Variants in STK35 observed in about 807,000 individuals in gnomAD.
STK35 encodes the protein serine/threonine kinase 35.
Under a neutral mutation model 37.3 loss-of-function variants are expected in STK35, and 17 were observed. That is an observed-to-expected ratio of 0.46 (90% CI 0.31 to 0.68). STK35 has a LOEUF of 0.68. Among genes scored for constraint, STK35 ranks in the 30% least tolerant of loss-of-function variants. The pLI is 0.05. For missense variants in STK35, 595 were observed against 746.7 expected, an observed-to-expected ratio of 0.80 and a Z score of 2.37; for synonymous variants, 385 against 319.1, an observed-to-expected ratio of 1.21 and a Z score of -2.20.
chr20:2,112,369 A>G (rs1431796494), intron 2 of STK35, among the ~76,000 whole-genome samples: 1 of 152,194 alleles, frequency 6.6e-6, no homozygotes, highest in African/African-American at 2.4e-5. Context: ...GTTTACTTTA[A>G]GCATCTTCTC....
At chr20:2,129,528 T>C (rs1308604010) in intron 3 of STK35, among the ~76,000 whole-genome samples, 1 of 151,836 alleles carries the variant, frequency 6.6e-6, no homozygotes, top group Non-Finnish European at 1.5e-5. Context: ...AAGGAAAACA[T>C]GCATGCCCAA....
At chr20:2,129,865 G>A (rs550673306) in intron 3 of STK35, among the ~76,000 whole-genome samples, 1 of 152,116 alleles carries the variant, frequency 6.6e-6, no homozygotes, top group Non-Finnish European at 1.5e-5. Context: ...GAGGCCAGGA[G>A]GAGGTCACTG....
rs1986290688 is a variant in STK35, at chr20:2,147,448, G to A, written c.*3702G>A. ...GAATTTTCTTTTTATGCTGTTAGCT[G>A]TTTACCTTCTTAGAAGACATCCTAA... is the stretch of plus-strand genomic sequence containing the variant. On this transcript the variant is annotated 3_prime_UTR_variant, in exon 4 of 4. Transcript: ENST00000381482. 1 of 152,566 alleles carries A rather than the reference G, an allele frequency of 6.6e-6. No homozygotes were observed. The highest frequency in any genetic ancestry group is 2.1e-4 in the South Asian group (1 of 4,834). The allele number at this position is 152,566 out of a possible 1,614,324, so 9.5% of individuals were successfully genotyped here.
At chr20:2,124,523 G>A (rs990754489) in intron 3 of STK35, among the ~76,000 whole-genome samples, 2 of 152,162 alleles carry the variant, frequency 1.3e-5, no homozygotes, top group African/African-American at 2.4e-5. Flanking sequence ...AGATCATGGG[G>A]TCGAGGTGGT....
intron 3 of STK35, among the ~76,000 whole-genome samples, chr20:2,118,555 C>G (rs1985760428): frequency 6.6e-6 from 1 of 151,580 alleles, no homozygotes; most frequent in South Asian, 2.1e-4. Flanking sequence ...GCACTCCAGC[C>G]TGGGCAACAG....
chr20:2,133,504 T>C (rs1237453804), intron 3 of STK35, among the ~76,000 whole-genome samples: 1 of 152,262 alleles, frequency 6.6e-6, no homozygotes, highest in African/African-American at 2.4e-5. Context: ...TTAGTTGGTG[T>C]TGGGTTTCAC....
intron 3 of STK35, among the ~76,000 whole-genome samples, chr20:2,119,921 ACTTAGGTTTAATTCTTTCATT>A (rs1393055825): frequency 6.6e-6 from 1 of 152,184 alleles, no homozygotes; most frequent in Admixed American, 6.5e-5. Flanking sequence ...CGAGTGAGTC[ACTTAGGTTTAATTCTTTCATT>A]CTACAAACGT....
At chr20:2,118,646 C>A (rs573438733) in intron 3 of STK35, among the ~76,000 whole-genome samples, 1 of 152,126 alleles carries the variant, frequency 6.6e-6, no homozygotes, top group African/African-American at 2.4e-5. Flanking sequence ...GCATGAACAA[C>A]GTTTTGGTCA....
chr20:2,106,756 G>A (rs1194697361), intron 2 of STK35, among the ~76,000 whole-genome samples: 4 of 152,156 alleles, frequency 2.6e-5, no homozygotes, highest in Non-Finnish European at 5.9e-5. Flanking sequence ...CATTTTGTTT[G>A]ATAGCCTTAA....
At position 2,146,715 on chromosome 20, in the gene STK35, C is replaced by T. The variant is rs1283811255; in HGVS notation, c.*2969C>T. 6.5e-6 allele frequency: 1 copy of T among 152,706 alleles called. No individual in the cohort carries two copies. The highest frequency in any genetic ancestry group is 1.5e-5 in the Non-Finnish European group (1 of 68,144). 9.5% of individuals were successfully genotyped at this position (152,706 alleles called of 1,614,324 possible). ...GCCACGGGGGAGGGATCACCCTCAC[C>T]CCCAACACCCTCTTCCTGAGGGCTG... On this transcript the variant is annotated 3_prime_UTR_variant, in exon 4 of 4. Transcript: ENST00000381482.
At chr20:2,119,769 A>G (rs1203010666) in intron 3 of STK35, among the ~76,000 whole-genome samples, 1 of 152,228 alleles carries the variant, frequency 6.6e-6, no homozygotes, top group Non-Finnish European at 1.5e-5. Flanking sequence ...AAGAAGCCTC[A>G]GGAGCCATAA....
intron 3 of STK35, among the ~76,000 whole-genome samples, chr20:2,141,638 A>G (rs1174074955): frequency 2.0e-5 from 3 of 152,246 alleles, no homozygotes. Context: ...GAAGTGAGGG[A>G]AGAGGAAAAT....
chr20:2,143,643 G>C (rs1986205700), intron 3 of STK35, 141 bp from the exon 4 acceptor site: 1 of 226,734 alleles, frequency 4.4e-6, no homozygotes, highest in African/African-American at 2.4e-5. Flanking sequence ...CAGGGAGGTT[G>C]TGAAGCTAGA....
At chr20:2,125,960 A>G (rs535062708) in intron 3 of STK35, among the ~76,000 whole-genome samples, 6 of 152,228 alleles carry the variant, frequency 3.9e-5, no homozygotes, top group South Asian at 2.1e-4. Flanking sequence ...AAGGGCTCCA[A>G]TAAGAGCCAA....
At chr20:2,102,387 G>A (rs906344686) in intron 1 of STK35, among the ~76,000 whole-genome samples, 6 of 152,244 alleles carry the variant, frequency 3.9e-5, no homozygotes, top group Admixed American at 2.6e-4. Context: ...TTACACCCGG[G>A]CGAACACAAG....
At chr20:2,112,049 C>T (rs961417909) in intron 2 of STK35, among the ~76,000 whole-genome samples, 5 of 152,240 alleles carry the variant, frequency 3.3e-5, no homozygotes, top group Admixed American at 6.5e-5. Flanking sequence ...AGGGATGCCC[C>T]TCAGCTCACC....
chr20:2,142,939 G>A (rs183913966), intron 3 of STK35, among the ~76,000 whole-genome samples: 1 of 152,228 alleles, frequency 6.6e-6, no homozygotes, highest in Non-Finnish European at 1.5e-5. Flanking sequence ...CCACTGAAGG[G>A]CAGGCTTCTT....
At chr20:2,108,233 G>A (rs1390689408) in intron 2 of STK35, among the ~76,000 whole-genome samples, 1 of 152,264 alleles carries the variant, frequency 6.6e-6, no homozygotes, top group Non-Finnish European at 1.5e-5. Context: ...CTCAGGCCGT[G>A]TGCGGTGGCT....
chr20:2,134,008 T>C (rs1317557405), intron 3 of STK35, among the ~76,000 whole-genome samples: 2 of 152,080 alleles, frequency 1.3e-5, no homozygotes, highest in African/African-American at 4.8e-5. Context: ...GCAAGAGTGT[T>C]TGTGCCTCTT....
Sources: gnomAD v4.1 joint callset for allele counts (sites outside exome capture counted in the v4.1 genomes callset) on GRCh38, gnomAD v4.1.1 for gene constraint, MANE v1.5 for transcripts, NCBI Gene and HGNC (gene_info 2026-07-23, HGNC 2026-07-21) for gene names.